The following WDR93 variants were observed in gnomAD, a reference collection of about 807,000 sequenced individuals.
The protein encoded by WDR93 is WD repeat domain 93.
WDR93 carries 73 observed loss-of-function variants against 82.9 expected under a neutral mutation model. The ratio of observed to expected loss-of-function variants is 0.88; its 90% CI spans 0.73 to 1.07. WDR93 has a LOEUF of 1.07. WDR93 is among the 50% of genes least tolerant of loss of function. The pLI is 0.00. For synonymous variants in WDR93, 283 were observed against 300.1 expected, an observed-to-expected ratio of 0.94 and a Z score of 0.59; for missense variants, 738 against 826.0, an observed-to-expected ratio of 0.89 and a Z score of 1.31.
intron 6 of WDR93, among the ~76,000 whole-genome samples, chr15:89,716,316 T>TA (rs1462603437): frequency 1.3e-3 from 203 of 152,374 alleles, no homozygotes; most frequent in African/African-American, 4.6e-3. Flanking sequence ...CTTCAATGGA[T>TA]AATAAATTTC....
chr15:89,695,034 CTGTT>C (rs1488610383), intron 1 of WDR93, among the ~76,000 whole-genome samples: 1 of 152,114 alleles, frequency 6.6e-6, no homozygotes, highest in East Asian at 1.9e-4. Flanking sequence ...TTTCATTGAT[CTGTT>C]TGTTTATTTT....
chr15:89,705,453 C>G, intron 3 of WDR93, 101 bp from the exon 4 acceptor site: 1 of 758,224 alleles, frequency 1.3e-6, no homozygotes, highest in Non-Finnish European at 2.4e-6. Flanking sequence ...TAAGAATGAG[C>G]GAGCTCATGA....
Position 89,731,411 on chromosome 15 carries a change from G to A in WDR93, c.1211-32G>A, listed in dbSNP as rs763629698. On this transcript the variant is annotated intron_variant, in intron 11 of 16. Transcript: ENST00000268130. ...AGTGATGGGTAGGTGCAGAGTCTGG[G>A]GGAACCGGTTGAGTATTGTCCTTCC... The A allele has an allele frequency of 1.3e-5, 21 of 1,613,124 alleles. No individual in the cohort carries two copies. In the East Asian group the frequency reaches 4.7e-4, roughly 36 times the overall value.
At chr15:89,710,245 C>A (rs530387274) in intron 4 of WDR93, among the ~76,000 whole-genome samples, 1 of 152,084 alleles carries the variant, frequency 6.6e-6, no homozygotes, top group Non-Finnish European at 1.5e-5. Flanking sequence ...GAACACTAAT[C>A]GGCAATAATA....
At chr15:89,727,901 G>A (rs12148212) in intron 9 of WDR93, among the ~76,000 whole-genome samples, 53,788 of 151,674 alleles carry the variant, frequency 0.35, 9,796 homozygotes, top group African/African-American at 0.39. Flanking sequence ...TGGTCAACAC[G>A]GTGAAACCGA....
chr15:89,734,666 C>T (rs1329269084), intron 13 of WDR93, among the ~76,000 whole-genome samples: 1 of 152,116 alleles, frequency 6.6e-6, no homozygotes, highest in Non-Finnish European at 1.5e-5. Context: ...CTAAATTCAT[C>T]ATTCCTTTGC....
chr15:89,736,327 GC>G (rs1284393284), intron 14 of WDR93, among the ~76,000 whole-genome samples: 2 of 152,122 alleles, frequency 1.3e-5, no homozygotes, highest in East Asian at 3.9e-4. Flanking sequence ...TCCTGGTGTG[GC>G]CCTACGGAGG....
At chr15:89,708,190 G>C (rs546492878) in intron 4 of WDR93, among the ~76,000 whole-genome samples, 1 of 152,160 alleles carries the variant, frequency 6.6e-6, no homozygotes, top group Non-Finnish European at 1.5e-5. Flanking sequence ...CTTGATTGTG[G>C]TGTTGGTTTC....
In WDR93 at chr15:89,714,974, A is replaced by T. The variant is rs373195829; in HGVS notation, c.641-6A>T. ...TGCTCAATGGTTCTCTGGTTTCCCAATGCAGGAGCCGGAGATATTTGGCTG... is the reference window on the plus strand; with the variant it reads ...TGCTCAATGGTTCTCTGGTTTCCCATTGCAGGAGCCGGAGATATTTGGCTG... On this transcript the variant is annotated splice_region_variant and splice_polypyrimidine_tract_variant and intron_variant, in intron 5 of 16. Coordinates refer to ENST00000268130, the MANE Select transcript of WDR93 (RefSeq NM_020212.2). 10 of 1,611,986 alleles carry T rather than the reference A, an allele frequency of 6.2e-6. No homozygotes were observed. The highest frequency in any genetic ancestry group is 1.6e-4 in the Middle Eastern group (1 of 6,074).
chr15:89,735,092 G>A (rs1479237537), intron 13 of WDR93, among the ~76,000 whole-genome samples: 1 of 144,976 alleles, frequency 6.9e-6, no homozygotes, highest in Admixed American at 7.2e-5. Context: ...CTGTAGCCCA[G>A]GCTGGTCTTG....
At chr15:89,708,970 C>T (rs1384152887) in intron 4 of WDR93, among the ~76,000 whole-genome samples, 1 of 152,260 alleles carries the variant, frequency 6.6e-6, no homozygotes, top group Non-Finnish European at 1.5e-5. Flanking sequence ...TGGGTACCCA[C>T]ATTATTGTGG....
chr15:89,725,959 AATGT>A (rs1454239698), intron 8 of WDR93, among the ~76,000 whole-genome samples: 1 of 152,214 alleles, frequency 6.6e-6, no homozygotes, highest in African/African-American at 2.4e-5. Context: ...CTCTTTTCAG[AATGT>A]ATGTTACACT....
Position 89,735,487 on chromosome 15 carries a change from T to C in WDR93, c.1545-3T>C. On this transcript the variant is annotated splice_region_variant and splice_polypyrimidine_tract_variant and intron_variant, in intron 13 of 16. Transcript: ENST00000268130. ...GAATGTCTGTATATTTTCTGTCCTA[T>C]AGGCCTGTAAAGCACCTGGATAAAA... The C allele has an allele frequency of 3.7e-6, 6 of 1,614,126 alleles. No homozygotes were observed. Among genetic ancestry groups the C allele is most frequent in the Non-Finnish European group, 5.1e-6 (6 of 1,179,998 alleles).
In WDR93 at chr15:89,738,086, A is replaced by G. The variant is rs150404781; in HGVS notation, c.1811A>G (p.Gln604Arg). The G allele has an allele frequency of 1.7e-5, 27 of 1,613,612 alleles. No homozygotes were observed. The highest frequency in any genetic ancestry group is 2.2e-5 in the Non-Finnish European group (26 of 1,179,880). ...ETASTDDAGI[Q>R]YSVFYFNFEA... Reference sequence around the variant, plus strand: ...GCGTCCACCGACGATGCTGGAATCCAATATTCTGTTTTCTATTTTAATTTT... The same window carrying G: ...GCGTCCACCGACGATGCTGGAATCCGATATTCTGTTTTCTATTTTAATTTT... The change falls in exon 16 of 17, where the codon CAA (glutamine) becomes CGA (arginine). Residue 604 changes from glutamine to arginine, a missense_variant. Physicochemically the swap from Gln to Arg is conservative, Grantham distance 43. Transcript: ENST00000268130.
chr15:89,723,238 A>C lies in WDR93; in HGVS notation c.880+1099A>C, dbSNP rs935546140. Among the ~76,000 whole-genome samples the C allele has an allele frequency of 1.7e-4, 25 of 151,166 alleles. No homozygotes were observed. In the East Asian group the frequency reaches 2.3e-3, roughly 14 times the overall value. On this transcript the variant is annotated intron_variant, in intron 8 of 16. Transcript: ENST00000268130. ...TAAATAAATAAATAAATAAATAAAT[A>C]AATCTGGTACACTCATACAAAAGAA...
At chr15:89,721,163 A>C (rs1384877005) in intron 7 of WDR93, 1 of 152,190 alleles carries the variant, frequency 6.6e-6, no homozygotes, top group African/African-American at 2.4e-5. Context: ...TTAGCAAGAT[A>C]TATCTTTTTC....
chr15:89,725,328 CA>C (rs893161666), intron 8 of WDR93, among the ~76,000 whole-genome samples: 5 of 152,054 alleles, frequency 3.3e-5, no homozygotes, highest in African/African-American at 1.2e-4. Context: ...AGAGGACAGC[CA>C]TAGAGTTAAT....
intron 2 of WDR93, among the ~76,000 whole-genome samples, chr15:89,702,537 G>GT (rs1965517990): frequency 1.3e-5 from 1 of 77,332 alleles, no homozygotes; most frequent in South Asian, 3.6e-4. Flanking sequence ...TGGGAATGTT[G>GT]TTTTTTGGGG....
At position 89,715,647 on chromosome 15, in the gene WDR93, G is replaced by C. The variant is rs982117712; in HGVS notation, c.756+552G>C. 1.3e-5 allele frequency among the ~76,000 whole-genome samples: 2 copies of C among 151,970 alleles called. 1 individual carries two copies. The highest frequency in any genetic ancestry group is 1.3e-4 in the Admixed American group (2 of 15,258). ...TGCCCAGGCTGGAATGCAGTGGTGC[G>C]ATCTCTGCTCACTGCAACCTCTGCC... is the stretch of plus-strand genomic sequence containing the variant. On this transcript the variant is annotated intron_variant, in intron 6 of 16. Transcript: ENST00000268130.
Sources: allele counts gnomAD v4.1 joint callset (sites outside exome capture counted in the v4.1 genomes callset), GRCh38; gene constraint gnomAD v4.1.1; transcripts MANE v1.5; gene names NCBI Gene and HGNC (gene_info 2026-07-23, HGNC 2026-07-21).